The following B3GAT1 variants were observed in gnomAD, a reference collection of about 807,000 sequenced individuals.
The protein encoded by B3GAT1 is galactosylgalactosylxylosylprotein 3-beta-glucuronosyltransferase 1.
B3GAT1 carries 11 observed loss-of-function variants against 28.4 expected under a neutral mutation model. The observed-to-expected ratio is 0.39, with a 90% CI of 0.24 to 0.64. The LOEUF is 0.64. Among genes scored for constraint, B3GAT1 ranks in the 30% least tolerant of loss-of-function variants. The pLI is 0.50. For missense variants in B3GAT1, 375 were observed against 491.0 expected, an observed-to-expected ratio of 0.76 and a Z score of 2.23; for synonymous variants, 255 against 223.1, an observed-to-expected ratio of 1.14 and a Z score of -1.27.
In B3GAT1 at chr11:134,412,068, A is replaced by AGGGCGCGGGCAGGGAGGCGGG. The variant is rs1944870936; in HGVS notation, c.-564_-544dup. The AGGGCGCGGGCAGGGAGGCGGG allele has an allele frequency of 2.3e-5, 1 of 43,352 alleles. No individual in the cohort carries two copies. 2.7% of individuals were successfully genotyped at this position (43,352 alleles called of 1,614,324 possible). ...CGAAGGCTGGGAGCGCGCGGGAGGG[A>AGGGCGCGGGCAGGGAGGCGGG]GGGCGCGGGCAGGGAGGCGGGGGGC... On this transcript the variant is annotated 5_prime_UTR_variant, in exon 1 of 6. Transcript: ENST00000312527.
chr11:134,403,925 T>C (rs1417886505), intron 1 of B3GAT1, among the ~76,000 whole-genome samples: 2 of 144,716 alleles, frequency 1.4e-5, no homozygotes, highest in Non-Finnish European at 3.0e-5. Context: ...TGGTGGCTTG[T>C]GGGGGCTGGG....
intron 1 of B3GAT1, among the ~76,000 whole-genome samples, chr11:134,395,595 C>T (rs1011325267): frequency 1.3e-5 from 2 of 152,060 alleles, no homozygotes; most frequent in Non-Finnish European, 2.9e-5. Context: ...TTGTACAGAA[C>T]CCTGGAGCCC....
intron 1 of B3GAT1, chr11:134,388,833 T>C (rs1944350984): frequency 6.6e-6 from 1 of 152,256 alleles, no homozygotes; most frequent in Non-Finnish European, 1.5e-5. Flanking sequence ...ATATGCACCA[T>C]GTTTTCTTTA....
intron 1 of B3GAT1, among the ~76,000 whole-genome samples, chr11:134,407,387 G>A (rs374100933): frequency 5.9e-5 from 9 of 152,228 alleles, no homozygotes; most frequent in African/African-American, 9.6e-5. Context: ...ACGCCGTGCC[G>A]TCATGTCTCC....
chr11:134,387,639 G>A lies in B3GAT1; in HGVS notation c.21C>T (p.Ile7=). The A allele has an allele frequency of 6.2e-7, 1 of 1,614,122 alleles. No individual in the cohort carries two copies. The highest frequency in any genetic ancestry group is 2.2e-5 in the East Asian group (1 of 44,882). The part of the protein sequence containing the change: MPKRRD[I]LAIVLIVLPW... ...GCAGCACGATGAGGACGATCGCTAGGATGTCCCGTCTCTTCGGCATCTCCA... is the reference window on the plus strand; with the variant it reads ...GCAGCACGATGAGGACGATCGCTAGAATGTCCCGTCTCTTCGGCATCTCCA... The change falls in exon 2 of 6, where the codon ATC becomes ATT. Residue 7 remains isoleucine, a synonymous_variant. Coordinates refer to ENST00000312527, the MANE Select transcript of B3GAT1 (RefSeq NM_054025.3).
chr11:134,396,240 C>CG (rs1387761160), intron 1 of B3GAT1, among the ~76,000 whole-genome samples: 5 of 152,126 alleles, frequency 3.3e-5, no homozygotes, highest in Admixed American at 2.6e-4. Flanking sequence ...GCATGAGCAC[C>CG]GGGGGGTGGG....
rs957194226 is a variant in B3GAT1, at chr11:134,379,076, C to A, written c.*1686G>T. On this transcript the variant is annotated 3_prime_UTR_variant, in exon 6 of 6. Coordinates refer to ENST00000312527, the MANE Select transcript of B3GAT1 (RefSeq NM_054025.3). Reference sequence around the variant, plus strand: ...AGGGCTTGGTTTCCAAAGTGACATCCAGGGTGTAAGAGGTTGGGGAAAACG... The same window carrying A: ...AGGGCTTGGTTTCCAAAGTGACATCAAGGGTGTAAGAGGTTGGGGAAAACG... 12 of 152,358 alleles carry A rather than the reference C, an allele frequency of 7.9e-5. No homozygotes were observed. The highest frequency in any genetic ancestry group is 6.5e-4 in the Admixed American group (10 of 15,298). 9.4% of individuals were successfully genotyped at this position (152,358 alleles called of 1,614,324 possible). A position where few individuals can be genotyped will look rare whatever the true frequency, so the allele number is the denominator to read the frequency against.
chr11:134,393,751 G>A lies in B3GAT1; in HGVS notation c.-281-5811C>T, dbSNP rs1452437957. 2.0e-5 allele frequency among the ~76,000 whole-genome samples: 3 copies of A among 152,176 alleles called. No homozygotes were observed. The highest frequency in any genetic ancestry group is 4.4e-5 in the Non-Finnish European group (3 of 68,022). ...GCGTGGGCTCAGTGGTGACAGCAGA[G>A]GGAGCCCCAGGCATCACACGGCGCC... On this transcript the variant is annotated intron_variant, in intron 1 of 5. Coordinates refer to ENST00000312527, the MANE Select transcript of B3GAT1 (RefSeq NM_054025.3). This position sits in a 1 kb window ranked among gnomAD's most constrained non-coding sequence, Gnocchi z 4.0.
rs967440422 is a variant in B3GAT1 at position 134,381,699 on chromosome 11, G to T, written c.*14+225C>A. 5 of 539,472 alleles carry T rather than the reference G, an allele frequency of 9.3e-6. No homozygotes were observed. The African/African-American group carries it at 9.5e-5, about 10-fold the overall frequency. 33.4% of individuals were successfully genotyped at this position (539,472 alleles called of 1,614,324 possible). ...TGTTTGGAAGGTGACACCCTCTGAA[G>T]AGTCTGGTGGCAGAAGGACCCAGCT... On this transcript the variant is annotated intron_variant, in intron 5 of 5. Coordinates refer to ENST00000312527, the MANE Select transcript of B3GAT1 (RefSeq NM_054025.3).
At position 134,378,987 on chromosome 11, in the gene B3GAT1, C is replaced by T. The variant is rs1944069150; in HGVS notation, c.*1775G>A. 6.6e-6 allele frequency: 1 copy of T among 152,190 alleles called. No homozygotes were observed. The highest frequency in any genetic ancestry group is 1.5e-5 in the Non-Finnish European group (1 of 68,038). 9.4% of individuals were successfully genotyped at this position (152,190 alleles called of 1,614,324 possible). On this transcript the variant is annotated 3_prime_UTR_variant, in exon 6 of 6. Transcript: ENST00000312527. ...CTTCTGTGAGGCAGTAGAGTGCCCA[C>T]ACATAAGCTCACCACCTGTGCCCAC...
At chr11:134,405,716 T>C (rs1413322068) in intron 1 of B3GAT1, among the ~76,000 whole-genome samples, 4 of 152,028 alleles carry the variant, frequency 2.6e-5, no homozygotes, top group Non-Finnish European at 5.9e-5. Flanking sequence ...TTGTGTGAAA[T>C]TGCTCTGTGG....
chr11:134,398,242 C>T (rs933444706), intron 1 of B3GAT1, among the ~76,000 whole-genome samples: 14 of 152,332 alleles, frequency 9.2e-5, no homozygotes, highest in African/African-American at 1.4e-4. Flanking sequence ...CGTGTCTGCA[C>T]GCTCTTAGCT....
At chr11:134,382,510 T>C (rs1392401500) in intron 4 of B3GAT1, among the ~76,000 whole-genome samples, 200 bp downstream of exon 4, 1 of 152,220 alleles carries the variant, frequency 6.6e-6, no homozygotes, top group Non-Finnish European at 1.5e-5. Flanking sequence ...AGGTTATAAC[T>C]CCCCAGTGGC....
In B3GAT1 at chr11:134,387,744, CAG is replaced by C; in HGVS notation, c.-87_-86del. On this transcript the variant is annotated 5_prime_UTR_variant, in exon 2 of 6. It removes the in-frame stop codon of an upstream open reading frame in the 5' UTR. Transcript: ENST00000312527. ...GGGGCGGCCACGGGCGGCGGCAGCACAGGGGAGAAAAGAACAGGCATGGGCCG... is the reference window on the plus strand; with the variant it reads ...GGGGCGGCCACGGGCGGCGGCAGCACGGGAGAAAAGAACAGGCATGGGCCG... The C allele has an allele frequency of 1.3e-6, 2 of 1,580,588 alleles. No homozygotes were observed. The highest frequency in any genetic ancestry group is 1.7e-6 in the Non-Finnish European group (2 of 1,164,368).
At position 134,384,159 on chromosome 11, in the gene B3GAT1, G is replaced by T; in HGVS notation, c.142C>A (p.Pro48Thr). The part of the protein sequence containing the change: ...DEGSDPRRET[P>T]PGADPREYCT... The stretch of plus-strand genomic sequence containing the variant: ...TACTCCCTGGGGTCGGCGCCGGGCG[G>T]CGTTTCGCGTCGGGGGTCACTGCCC... Residue 48 changes from proline (P) to threonine (T), a missense_variant, in exon 3 of 6, where the codon CCG becomes ACG. Physicochemically the swap from Pro to Thr is conservative, Grantham distance 38. Coordinates refer to ENST00000312527, the MANE Select transcript of B3GAT1 (RefSeq NM_054025.3). 1 of 1,554,178 alleles carries T rather than the reference G, an allele frequency of 6.4e-7. No homozygotes were observed. The highest frequency in any genetic ancestry group is 8.7e-7 in the Non-Finnish European group (1 of 1,150,322).
intron 2 of B3GAT1, 86 bp from the exon 3 acceptor site, chr11:134,384,274 G>A (rs1055690051): frequency 2.1e-6 from 3 of 1,435,322 alleles, no homozygotes; most frequent in Admixed American, 2.7e-5. Context: ...ACCCTGCCAG[G>A]GCACCCTCCT....
At chr11:134,404,477 T>C (rs1944689628) in intron 1 of B3GAT1, among the ~76,000 whole-genome samples, 1 of 152,222 alleles carries the variant, frequency 6.6e-6, no homozygotes, top group Non-Finnish European at 1.5e-5. Flanking sequence ...AAAACGAGTC[T>C]GTCATTCATC....
intron 1 of B3GAT1, among the ~76,000 whole-genome samples, chr11:134,402,250 G>A (rs76956658): frequency 0.11 from 16,354 of 152,142 alleles, 993 homozygotes; most frequent in Non-Finnish European, 0.14. Context: ...CCCAGTGTGC[G>A]GTTGCTGCTT....
At chr11:134,392,514 T>C (rs979775602) in intron 1 of B3GAT1, among the ~76,000 whole-genome samples, 2 of 152,122 alleles carry the variant, frequency 1.3e-5, no homozygotes, top group African/African-American at 4.8e-5. Flanking sequence ...GGACCACAGG[T>C]ACCTGCCACC....
Sources: gnomAD v4.1 joint callset for allele counts (sites outside exome capture counted in the v4.1 genomes callset) on GRCh38, gnomAD v4.1.1 for gene constraint, Gnocchi (gnomAD v3.1) non-coding constraint, MANE v1.5 for transcripts, NCBI Gene and HGNC (gene_info 2026-07-23, HGNC 2026-07-21) for gene names.